MOB1B: variants seen among roughly 807,000 people sequenced by gnomAD.
The protein encoded by MOB1B is MOB1 Mps One Binder homolog B.
Under a neutral mutation model 24.4 loss-of-function variants are expected in MOB1B, and 19 were observed. That is an observed-to-expected ratio of 0.78 (90% CI 0.54 to 1.14). The LOEUF (loss-of-function observed/expected upper bound fraction) is 1.14, where lower values mean the gene tolerates loss of function less well. Ranked by LOEUF, MOB1B falls within the 50% of genes most tolerant of loss-of-function variation. The pLI, the probability that MOB1B is intolerant of heterozygous loss-of-function variation, is 0.00. For synonymous variants in MOB1B, 76 were observed against 82.1 expected (o/e 0.93, Z 0.40); for missense variants, 243 against 259.6 (o/e 0.94, Z 0.44).
intron 3 of MOB1B, among the ~76,000 whole-genome samples, 182 bp downstream of exon 3, chr4:70,970,206 T>C (rs1450562172): frequency 2.0e-5 from 3 of 152,172 alleles, no homozygotes; most frequent in Non-Finnish European, 2.9e-5. Context: ...TTCCTCTGTT[T>C]GCTTATGTGT....
intron 3 of MOB1B, 24 bp downstream of exon 3, chr4:70,970,048 T>C: frequency 7.5e-7 from 1 of 1,329,566 alleles, no homozygotes; most frequent in South Asian, 1.3e-5. Context: ...AATGATCAGT[T>C]TCTTATTTTT....
chr4:70,938,529 T>C (rs1007008153), intron 1 of MOB1B, among the ~76,000 whole-genome samples: 5 of 151,968 alleles, frequency 3.3e-5, no homozygotes, highest in Admixed American at 6.6e-5. Flanking sequence ...TGTTTTGCCC[T>C]CTCCATAGAA....
At chr4:70,902,365 T>G (rs1448256250), upstream of MOB1B, 3 of 705,296 alleles carry the variant, frequency 4.3e-6, no homozygotes, top group South Asian at 1.5e-5. Context: ...CCCCTCCCCC[T>G]GCCATTGGAA....
chr4:70,930,342 CACTT>C (rs771826373), intron 1 of MOB1B, among the ~76,000 whole-genome samples: 30 of 152,066 alleles, frequency 2.0e-4, no homozygotes, highest in African/African-American at 5.8e-4. Flanking sequence ...AGTTACTTTT[CACTT>C]ACTTCTCTTA....
chr4:70,981,765 G>A (rs551669970), intron 5 of MOB1B, among the ~76,000 whole-genome samples: 28 of 152,204 alleles, frequency 1.8e-4, no homozygotes, highest in African/African-American at 6.3e-4. Flanking sequence ...TATGAGATAG[G>A]GGGATTTATC....
chr4:70,906,023 G>A (rs1191210586), intron 1 of MOB1B, among the ~76,000 whole-genome samples: 1 of 151,964 alleles, frequency 6.6e-6, no homozygotes, highest in East Asian at 1.9e-4. Context: ...GCTGTGGTGA[G>A]ATGTAATCAT....
At position 70,969,941 on chromosome 4, in the gene MOB1B, C is replaced by T. The variant is rs149160899; in HGVS notation, c.192C>T (p.Phe64=). ...NEWVAVNTVD[F]FNQINMLYGT... is the part of the protein sequence containing the mutation. The stretch of plus-strand genomic sequence containing the variant: ...ATACTTGCTTTACAGCTGTGGATTT[C>T]TTCAATCAGATCAACATGCTTTATG... The change falls in exon 3 of 6, where the codon TTC becomes TTT. Residue 64 remains phenylalanine (F), a synonymous_variant. Transcript: ENST00000309395. The T allele has an allele frequency of 1.9e-3, 2,955 of 1,594,270 alleles. 10 individuals are homozygous for T. The highest frequency in any genetic ancestry group is 2.1e-3 in the Non-Finnish European group (2,489 of 1,166,680).
At chr4:70,973,888 C>T (rs549903512) in intron 3 of MOB1B, among the ~76,000 whole-genome samples, 43 of 152,184 alleles carry the variant, frequency 2.8e-4, no homozygotes, top group Middle Eastern at 3.4e-3. Flanking sequence ...TTATCCTATC[C>T]GAAGATAATT....
rs2148906014 is a variant in MOB1B, at chr4:70,982,530, CT to C, written c.*474del. 1 of 152,870 alleles carries C rather than the reference CT, an allele frequency of 6.5e-6. No homozygotes were observed. The highest frequency in any genetic ancestry group is 1.5e-5 in the Non-Finnish European group (1 of 68,200). 9.5% of individuals were successfully genotyped at this position (152,870 alleles called of 1,614,324 possible). A position where few individuals can be genotyped will look rare whatever the true frequency, so the allele number is the denominator to read the frequency against. ...TTAGGATTACTACCCAGGGCACTTA[CT>C]GGTGCATGTTGTAACATATCTATGA... On this transcript the variant is annotated 3_prime_UTR_variant, in exon 6 of 6. Transcript: ENST00000309395.
intron 1 of MOB1B, among the ~76,000 whole-genome samples, chr4:70,923,098 T>G (rs988486997): frequency 6.6e-6 from 1 of 152,166 alleles, no homozygotes; most frequent in East Asian, 1.9e-4. Flanking sequence ...GGCCCCCTGC[T>G]TAGAACCGCA....
intron 1 of MOB1B, among the ~76,000 whole-genome samples, chr4:70,938,044 T>C (rs1264962892): frequency 1.3e-5 from 2 of 152,078 alleles, no homozygotes; most frequent in Non-Finnish European, 2.9e-5. Context: ...TTTTTGAACA[T>C]TTAGTTTGTC....
chr4:70,952,731 A>G (rs1255096589), intron 1 of MOB1B, among the ~76,000 whole-genome samples: 2 of 151,262 alleles, frequency 1.3e-5, no homozygotes, highest in Non-Finnish European at 2.9e-5. Flanking sequence ...CTTCTGAGGT[A>G]GGTGGGGTAA....
intron 1 of MOB1B, among the ~76,000 whole-genome samples, chr4:70,945,505 A>G (rs768872620): frequency 2.0e-4 from 30 of 152,228 alleles, no homozygotes; most frequent in Non-Finnish European, 3.2e-4. Context: ...ACTCTGTACT[A>G]TGCTACTTGA....
At position 70,986,824 on chromosome 4, in the gene MOB1B, T is replaced by G. The variant is rs1936932539; in HGVS notation, c.*4767T>G. Reference sequence around the variant, plus strand: ...TAACAAAAATTCTGACCACAGTTGATTCTGAATTTTTAAGGCTTTCCTAAT... The same window carrying G: ...TAACAAAAATTCTGACCACAGTTGAGTCTGAATTTTTAAGGCTTTCCTAAT... On this transcript the variant is annotated 3_prime_UTR_variant, in exon 6 of 6. Coordinates refer to ENST00000309395, the MANE Select transcript of MOB1B (RefSeq NM_173468.4). 2 of 152,162 alleles carry G rather than the reference T, an allele frequency of 1.3e-5. No homozygotes were observed. The highest frequency in any genetic ancestry group is 2.9e-5 in the Non-Finnish European group (2 of 67,990). 9.4% of individuals were successfully genotyped at this position (152,162 alleles called of 1,614,324 possible). A position where few individuals can be genotyped will look rare whatever the true frequency, so the allele number is the denominator to read the frequency against.
intron 2 of MOB1B, among the ~76,000 whole-genome samples, chr4:70,965,631 A>G (rs1738490928): frequency 6.6e-6 from 1 of 150,824 alleles, no homozygotes; most frequent in Admixed American, 6.6e-5. Context: ...CCCTGTCTCC[A>G]CTAAAAATAC....
chr4:70,916,444 A>C (rs1736199035), intron 1 of MOB1B, among the ~76,000 whole-genome samples: 1 of 152,254 alleles, frequency 6.6e-6, no homozygotes, highest in African/African-American at 2.4e-5. Flanking sequence ...TTGGGAGGGT[A>C]ATACCAAGAG....
intron 1 of MOB1B, among the ~76,000 whole-genome samples, chr4:70,952,659 AC>A (rs1402466491): frequency 2.5e-4 from 37 of 150,270 alleles, no homozygotes; most frequent in East Asian, 1.2e-3. Context: ...AAAAAAAAAA[AC>A]AAAACAAAAA....
intron 1 of MOB1B, among the ~76,000 whole-genome samples, chr4:70,936,880 G>C (rs1419764459): frequency 2.0e-5 from 3 of 152,064 alleles, no homozygotes; most frequent in African/African-American, 2.4e-5. Flanking sequence ...TGGGATCGAA[G>C]TTCCATTTGC....
chr4:70,903,945 TAAA>T (rs1161322283), intron 1 of MOB1B, among the ~76,000 whole-genome samples: 2 of 143,752 alleles, frequency 1.4e-5, no homozygotes, highest in Non-Finnish European at 3.1e-5. Context: ...GGTGATTTTA[TAAA>T]AAAGTCCTTG....
Sources: gnomAD v4.1 joint callset for allele counts (sites outside exome capture counted in the v4.1 genomes callset) on GRCh38, gnomAD v4.1.1 for gene constraint, MANE v1.5 for transcripts, NCBI Gene and HGNC (gene_info 2026-07-23, HGNC 2026-07-21) for gene names.